Variants in SCP2 observed in about 807,000 individuals in gnomAD.
SCP2 encodes the protein SCP-2/3-oxoacyl-CoA thiolase.
A neutral mutation model predicts 71.4 loss-of-function variants in SCP2; 48 were observed. The ratio of observed to expected loss-of-function variants is 0.67; its 90% CI spans 0.53 to 0.86. The LOEUF is 0.86. Among genes scored for constraint, SCP2 ranks in the 40% least tolerant of loss-of-function variants. SCP2 has a pLI of 0.00. For missense variants in SCP2, 560 were observed against 655.6 expected, an observed-to-expected ratio of 0.85 and a Z score of 1.59; for synonymous variants, 220 against 218.1, an observed-to-expected ratio of 1.01 and a Z score of -0.08.
chr1:52,994,170 G>A, intron 11 of SCP2: 4 of 1,038,026 alleles, frequency 3.9e-6, no homozygotes, highest in Non-Finnish European at 4.6e-6. Flanking sequence ...TGTTGATTTT[G>A]TTGCTAATGG....
At chr1:52,992,845 T>C (rs1253811434) in intron 11 of SCP2, among the ~76,000 whole-genome samples, 1 of 152,148 alleles carries the variant, frequency 6.6e-6, no homozygotes, top group East Asian at 1.9e-4. Context: ...ATTCCAAAAG[T>C]TAAAAATTAT....
chr1:53,028,048 G>A lies in SCP2; in HGVS notation c.1315G>A (p.Glu439Lys). The A allele has an allele frequency of 6.2e-7, 1 of 1,603,966 alleles. No homozygotes were observed. The highest frequency in any genetic ancestry group is 1.1e-5 in the South Asian group (1 of 90,808). Residue 439 changes from glutamate to lysine, a missense_variant, in exon 13 of 16, where the codon GAG becomes AAG. Glu to Lys is a moderately conservative substitution (Grantham distance 56). Around this residue, in one of 3 missense-constraint regions of SCP2, gnomAD observed 513 missense variants for 573.1 expected, o/e 0.90. Coordinates refer to ENST00000371514, the MANE Select transcript of SCP2 (RefSeq NM_002979.5). The stretch of plus-strand genomic sequence containing the variant: ...ATTTAAGGCAAATCTTGTTTTTAAG[G>A]AGATTGAGAAGAAACTTGAAGAGGT... Reference protein sequence around the residue: ...DGFKANLVFKEIEKKLEEEGE... With the variant: ...DGFKANLVFKKIEKKLEEEGE...
rs1572218252 is a variant in SCP2, at chr1:53,034,980, C to T, written c.1339-3937C>T. 8.5e-5 allele frequency among the ~76,000 whole-genome samples: 13 copies of T among 152,076 alleles called. No homozygotes were observed. In the South Asian group the frequency reaches 2.1e-3, roughly 24 times the overall value. ...ATTAGCCAGGTGTGGTGGCGGGCAC[C>T]TGTAGTCCCAGCTACTTGGGAGGCT... On this transcript the variant is annotated intron_variant, in intron 13 of 15. Transcript: ENST00000371514.
chr1:53,001,390 G>T lies in SCP2; in HGVS notation c.1081+13254G>T, dbSNP rs1431590702. On this transcript the variant is annotated intron_variant, in intron 11 of 15. Transcript: ENST00000371514. Reference sequence around the variant, plus strand: ...TTTGGGGAAGGAGATGCACAAAGAGGAAGCATGTTTAAACCAAACTGTTTG... The same window carrying T: ...TTTGGGGAAGGAGATGCACAAAGAGTAAGCATGTTTAAACCAAACTGTTTG... Among the ~76,000 whole-genome samples, 3 of 152,080 alleles carry T rather than the reference G, an allele frequency of 2.0e-5. No individual in the cohort carries two copies. The East Asian group carries it at 5.8e-4, about 29-fold the overall frequency.
chr1:52,957,297 C>T (rs1655912809), intron 5 of SCP2, among the ~76,000 whole-genome samples: 2 of 152,180 alleles, frequency 1.3e-5, no homozygotes, highest in African/African-American at 2.4e-5. Flanking sequence ...ATATCTCCTG[C>T]CATTTTCCCA....
intron 11 of SCP2, among the ~76,000 whole-genome samples, chr1:52,990,930 T>C (rs1289406614): frequency 1.3e-5 from 2 of 152,118 alleles, no homozygotes; most frequent in Non-Finnish European, 2.9e-5. Flanking sequence ...GTTGGCAATC[T>C]TGGAGCAATT....
intron 12 of SCP2, among the ~76,000 whole-genome samples, chr1:53,021,270 A>G (rs1360873133): frequency 6.6e-6 from 1 of 151,140 alleles, no homozygotes; most frequent in Non-Finnish European, 1.5e-5. Flanking sequence ...TGGCCTCCCA[A>G]AGTGCTGAGA....
rs1658168483 is a variant in SCP2 at position 52,978,282 on chromosome 1, T to C, written c.740T>C (p.Leu247Pro). The change falls in exon 9 of 16, where the codon CTG (leucine) becomes CCG (proline). Residue 247 changes from leucine to proline, a missense_variant. By Grantham distance (98) the Leu-to-Pro change is moderately conservative (BLOSUM62 -3). Transcript: ENST00000371514. Reference sequence around the variant, plus strand: ...GAAGCATTTGTACAGAAGTATGGCCTGCAATCCAAAGCTGTGGAAATTTTG... The same window carrying C: ...GAAGCATTTGTACAGAAGTATGGCCCGCAATCCAAAGCTGTGGAAATTTTG... ...ASEAFVQKYG[L>P]QSKAVEILAQ... The C allele has an allele frequency of 3.1e-6, 5 of 1,614,096 alleles. No individual in the cohort carries two copies. Among genetic ancestry groups the C allele is most frequent in the Non-Finnish European group, 3.4e-6 (4 of 1,179,924 alleles).
chr1:52,964,547 AT>A (rs1188515983), intron 6 of SCP2, among the ~76,000 whole-genome samples: 1 of 152,120 alleles, frequency 6.6e-6, no homozygotes, highest in Non-Finnish European at 1.5e-5. Context: ...TTAGAGGTAT[AT>A]TGTAATATAC....
At chr1:53,043,993 A>ACC (rs906739956) in intron 14 of SCP2, among the ~76,000 whole-genome samples, 2 of 151,770 alleles carry the variant, frequency 1.3e-5, no homozygotes, top group Admixed American at 1.3e-4. Context: ...ACATAATAAA[A>ACC]CCTTTTTTTC....
At chr1:52,971,885 G>C (rs1033009631) in intron 6 of SCP2, among the ~76,000 whole-genome samples, 67 of 152,160 alleles carry the variant, frequency 4.4e-4, no homozygotes, top group African/African-American at 1.6e-3. Flanking sequence ...AATATTTCTA[G>C]GTTTTATGAC....
At chr1:52,927,599 ACTCTGCGGAAT>A (rs1557534635) in intron 1 of SCP2, 134 bp downstream of exon 1, 1 of 702,628 alleles carries the variant, frequency 1.4e-6, no homozygotes, top group Non-Finnish European at 2.5e-6. Flanking sequence ...GGTGGCTTGT[ACTCTGCGGAAT>A]CTCTGGGGTC....
At position 52,933,087 on chromosome 1, in the gene SCP2, G is replaced by C. The variant is rs536471384; in HGVS notation, c.69+5622G>C. Among the ~76,000 whole-genome samples the C allele has an allele frequency of 3.9e-5, 6 of 152,230 alleles. No individual in the cohort carries two copies. The South Asian group carries it at 1.2e-3, about 32-fold the overall frequency. The stretch of plus-strand genomic sequence containing the variant: ...CTTAAAATATCTTTTTCTACTAGAA[G>C]AAATGGCTGGTTGCAGAAATTGCTT... On this transcript the variant is annotated intron_variant, in intron 1 of 15. Transcript: ENST00000371514.
intron 1 of SCP2, among the ~76,000 whole-genome samples, chr1:52,937,094 A>C (rs1214585613): frequency 6.6e-6 from 1 of 152,134 alleles, no homozygotes; most frequent in Non-Finnish European, 1.5e-5. Context: ...AGGGTAAGAG[A>C]TATGTAAACT....
chr1:52,996,062 C>T (rs1172726269), intron 11 of SCP2: 1 of 1,078,508 alleles, frequency 9.3e-7, no homozygotes, highest in Non-Finnish European at 1.2e-6. Context: ...TCTCAGTTCC[C>T]TTAGCCATCT....
At chr1:52,979,494 G>C (rs760010822) in intron 9 of SCP2, among the ~76,000 whole-genome samples, 1 of 151,968 alleles carries the variant, frequency 6.6e-6, no homozygotes, top group South Asian at 2.1e-4. Context: ...TGGCCTCACC[G>C]TTTTATTCCT....
chr1:53,027,752 G>T (rs1165187297), intron 12 of SCP2, among the ~76,000 whole-genome samples: 1 of 152,182 alleles, frequency 6.6e-6, no homozygotes, highest in African/African-American at 2.4e-5. Flanking sequence ...TGATCCACTC[G>T]CCTCGGCCTC....
intron 8 of SCP2, among the ~76,000 whole-genome samples, chr1:52,977,072 G>A (rs191931828): frequency 1.3e-5 from 2 of 152,328 alleles, no homozygotes; most frequent in South Asian, 2.1e-4. Context: ...GGAGCCCAAA[G>A]CATTTTGTTT....
intron 11 of SCP2, among the ~76,000 whole-genome samples, chr1:52,991,772 G>T (rs372922132): frequency 3.6e-4 from 52 of 145,178 alleles, no homozygotes; most frequent in East Asian, 6.0e-4. Context: ...CTTTAATTTG[G>T]TTTTTTTTTT....
Sources: allele counts gnomAD v4.1 joint callset (sites outside exome capture counted in the v4.1 genomes callset), GRCh38; gene constraint gnomAD v4.1.1; regional missense constraint gnomAD v4.1.1; transcripts MANE v1.5; gene names NCBI Gene and HGNC (gene_info 2026-07-23, HGNC 2026-07-21).